Variants in PRUNE2 observed in about 807,000 individuals in gnomAD.
The protein encoded by PRUNE2 is protein prune homolog 2.
PRUNE2 carries 164 observed loss-of-function variants against 252.0 expected under a neutral mutation model. That is an observed-to-expected ratio of 0.65 (90% CI 0.57 to 0.74). The LOEUF is 0.74. Among genes scored for constraint, PRUNE2 ranks in the 30% least tolerant of loss-of-function variants. The pLI is 0.00. For missense variants in PRUNE2, 3,495 were observed against 3,711.0 expected (o/e 0.94, Z 1.51); for synonymous variants, 1,292 against 1,350.2 (o/e 0.96, Z 0.94).
chr9:76,762,372 A>T (rs1224463817), intron 6 of PRUNE2, among the ~76,000 whole-genome samples: 1 of 152,250 alleles, frequency 6.6e-6, no homozygotes, highest in Non-Finnish European at 1.5e-5. Flanking sequence ...TAAGGGAGGC[A>T]GGAATGGCGG....
rs759264001 is a variant in PRUNE2, at chr9:76,706,978, G to C, written c.5296C>G (p.Pro1766Ala). 1.2e-6 allele frequency: 2 copies of C among 1,613,976 alleles called. No homozygotes were observed. Among genetic ancestry groups the C allele is most frequent in the Non-Finnish European group, 1.7e-6 (2 of 1,179,872 alleles). Residue 1766 changes from proline (P) to alanine (A), a missense_variant, in exon 8 of 19, where the codon CCC (proline) becomes GCC (alanine). By Grantham distance (27) the Pro-to-Ala change is conservative. Transcript: ENST00000376718. The stretch of plus-strand genomic sequence containing the variant: ...TCCGTTAATGGTGAGAAAGTCCAGG[G>C]ATCAGGGCTGCTTTGTTGATTGTCA... ...FCDNQQSSPD[P>A]WTFSPLTETE...
chr9:76,703,292 T>C, intron 9 of PRUNE2, 45 bp downstream of exon 9: 1 of 1,514,606 alleles, frequency 6.6e-7, no homozygotes. Context: ...GGTTTCTAAA[T>C]AAATTGCTTT....
intron 8 of PRUNE2, 103 bp from the exon 9 acceptor site, chr9:76,704,202 TA>T (rs2046127355): frequency 4.1e-6 from 2 of 483,264 alleles, no homozygotes; most frequent in African/African-American, 5.5e-5. Flanking sequence ...GGTAATTTAA[TA>T]TTTTTTATAT....
intron 6 of PRUNE2, among the ~76,000 whole-genome samples, chr9:76,780,608 G>C (rs1022225961): frequency 6.6e-6 from 1 of 152,034 alleles, no homozygotes; most frequent in Non-Finnish European, 1.5e-5. Context: ...GGAGAATGGC[G>C]TGAACCCAGG....
chr9:76,880,237 A>T (rs1340959157), intron 1 of PRUNE2, among the ~76,000 whole-genome samples: 1 of 152,014 alleles, frequency 6.6e-6, no homozygotes, highest in African/African-American at 2.4e-5. Context: ...TTTTAAAGCC[A>T]TCCATGTTTT....
At chr9:76,757,744 C>T (rs12349257) in intron 6 of PRUNE2, among the ~76,000 whole-genome samples, 3 of 149,258 alleles carry the variant, frequency 2.0e-5, no homozygotes, top group African/African-American at 5.2e-5. Context: ...GGGAATCACT[C>T]GAGACCAGCC....
At chr9:76,624,412 C>A in intron 17 of PRUNE2, 40 bp downstream of exon 17, 2 of 1,353,292 alleles carry the variant, frequency 1.5e-6, no homozygotes, top group South Asian at 4.2e-5. Flanking sequence ...GAAATGCAAG[C>A]CAACATCATG....
intron 1 of PRUNE2, among the ~76,000 whole-genome samples, chr9:76,870,183 G>A (rs780685386): frequency 4.6e-5 from 7 of 151,688 alleles, no homozygotes; most frequent in Middle Eastern, 3.4e-3. Context: ...AAAATGCATC[G>A]GATCACCCAA....
intron 6 of PRUNE2, among the ~76,000 whole-genome samples, chr9:76,816,650 C>T (rs183462200): frequency 1.3e-5 from 2 of 152,154 alleles, no homozygotes; most frequent in Non-Finnish European, 2.9e-5. Context: ...CTAAGAACTC[C>T]TAATTCCCCA....
At chr9:76,899,175 T>C (rs543923135) in intron 1 of PRUNE2, among the ~76,000 whole-genome samples, 1 of 152,220 alleles carries the variant, frequency 6.6e-6, no homozygotes, top group Non-Finnish European at 1.5e-5. Context: ...TTCTAGTCTT[T>C]GAGCCACATG....
At chr9:76,715,938 GGC>G (rs2047112031) in intron 6 of PRUNE2, among the ~76,000 whole-genome samples, 1 of 152,018 alleles carries the variant, frequency 6.6e-6, no homozygotes, top group African/African-American at 2.4e-5. Flanking sequence ...AGTAACTGAA[GGC>G]TTCAGCACAA....
chr9:76,794,660 AG>A (rs1309437140), intron 6 of PRUNE2, among the ~76,000 whole-genome samples: 1 of 151,492 alleles, frequency 6.6e-6, no homozygotes, highest in Non-Finnish European at 1.5e-5. Context: ...AAAAAGAAAG[AG>A]TGCAGCACCT....
chr9:76,678,631 C>T (rs2043050567), intron 9 of PRUNE2, among the ~76,000 whole-genome samples: 1 of 152,006 alleles, frequency 6.6e-6, no homozygotes, highest in African/African-American at 2.4e-5. Flanking sequence ...AGATAGAGAC[C>T]ATCCTGGCTA....
At chr9:76,723,374 T>G (rs544543272) in intron 6 of PRUNE2, among the ~76,000 whole-genome samples, 3 of 152,214 alleles carry the variant, frequency 2.0e-5, no homozygotes, top group African/African-American at 7.2e-5. Context: ...CCATTCAGTA[T>G]GTACAAATCT....
At chr9:76,751,682 C>T (rs1294445721) in intron 6 of PRUNE2, among the ~76,000 whole-genome samples, 1 of 152,190 alleles carries the variant, frequency 6.6e-6, no homozygotes, top group East Asian at 1.9e-4. Context: ...AAAAACCTCT[C>T]ACCGAAAATA....
intron 4 of PRUNE2, among the ~76,000 whole-genome samples, chr9:76,837,993 G>A (rs568286027): frequency 3.6e-4 from 55 of 151,826 alleles, no homozygotes; most frequent in South Asian, 1.9e-3. Context: ...GGATGGTCTC[G>A]ATCTCCTGAC....
chr9:76,779,915 C>T (rs1361873881), intron 6 of PRUNE2: 2 of 152,130 alleles, frequency 1.3e-5, no homozygotes, highest in Non-Finnish European at 2.9e-5. Context: ...ACAAAGAAAT[C>T]GCATAAGGGC....
intron 11 of PRUNE2, among the ~76,000 whole-genome samples, chr9:76,649,429 T>C (rs1203624323): frequency 6.6e-6 from 1 of 152,032 alleles, no homozygotes; most frequent in East Asian, 1.9e-4. Context: ...TACAAAAAAA[T>C]ATACCAATTA....
chr9:76,857,248 G>A (rs189729034), intron 1 of PRUNE2: 1 of 414,988 alleles, frequency 2.4e-6, no homozygotes, highest in Admixed American at 2.7e-5. Context: ...CCATCTTGGT[G>A]CCCAGGCTCT....
Sources: allele counts gnomAD v4.1 joint callset (sites outside exome capture counted in the v4.1 genomes callset), GRCh38; gene constraint gnomAD v4.1.1; transcripts MANE v1.5; gene names NCBI Gene and HGNC (gene_info 2026-07-23, HGNC 2026-07-21).